Variants in CCSER1 observed in about 807,000 individuals in gnomAD.
CCSER1 encodes serine-rich coiled-coil domain-containing protein 1.
Under a neutral mutation model 82.0 loss-of-function variants are expected in CCSER1, and 41 were observed. The observed-to-expected ratio is 0.50, with a 90% CI of 0.39 to 0.65. The LOEUF (loss-of-function observed/expected upper bound fraction) is 0.65. CCSER1 is among the 30% of genes least tolerant of loss of function. CCSER1 has a pLI of 0.00. For missense variants in CCSER1, 1,119 were observed against 1,064.2 expected (o/e 1.05, Z -0.72); for synonymous variants, 414 against 383.9 (o/e 1.08, Z -0.92).
intron 8 of CCSER1, among the ~76,000 whole-genome samples, chr4:90,869,750 G>A (rs939523018): frequency 1.6e-4 from 24 of 151,424 alleles, no homozygotes; most frequent in African/African-American, 2.4e-4. Context: ...GAAGGTCATC[G>A]GTATTTTGCT....
At chr4:91,440,165 T>C (rs74833479) in intron 10 of CCSER1, among the ~76,000 whole-genome samples, 1 of 152,108 alleles carries the variant, frequency 6.6e-6, no homozygotes. Flanking sequence ...AATATACATT[T>C]TTTTCAGCAG....
At chr4:91,458,736 A>C (rs544281878) in intron 10 of CCSER1, among the ~76,000 whole-genome samples, 1 of 152,152 alleles carries the variant, frequency 6.6e-6, no homozygotes, top group East Asian at 1.9e-4. Context: ...TATTTGCTTA[A>C]ATTTATTTCT....
chr4:91,354,722 A>C (rs1748707081), intron 10 of CCSER1, among the ~76,000 whole-genome samples: 1 of 152,148 alleles, frequency 6.6e-6, no homozygotes, highest in African/African-American at 2.4e-5. Context: ...CAGGAACTGG[A>C]TCTGTAGGAA....
intron 1 of CCSER1, among the ~76,000 whole-genome samples, chr4:90,252,211 G>A (rs919934256): frequency 2.6e-5 from 4 of 151,754 alleles, no homozygotes; most frequent in Non-Finnish European, 4.4e-5. Context: ...AAAGTGCTCC[G>A]ATGAGCATTT....
chr4:91,279,619 T>C (rs1742757705), intron 10 of CCSER1, among the ~76,000 whole-genome samples: 1 of 152,108 alleles, frequency 6.6e-6, no homozygotes, highest in Non-Finnish European at 1.5e-5. Flanking sequence ...TCTATCTCTT[T>C]GGTAAATTGC....
At chr4:90,167,714 A>T (rs1474747640) in intron 1 of CCSER1, among the ~76,000 whole-genome samples, 2 of 151,522 alleles carry the variant, frequency 1.3e-5, no homozygotes, top group Non-Finnish European at 2.9e-5. Context: ...TATGAGTGAG[A>T]ACATGCAGTG....
At chr4:90,846,996 A>G (rs1489735999) in intron 8 of CCSER1, among the ~76,000 whole-genome samples, 2 of 152,148 alleles carry the variant, frequency 1.3e-5, no homozygotes, top group African/African-American at 4.8e-5. Flanking sequence ...ATTTGATTTA[A>G]TTCTTTACAA....
chr4:90,881,296 A>G (rs1721272943), intron 8 of CCSER1, among the ~76,000 whole-genome samples: 1 of 152,098 alleles, frequency 6.6e-6, no homozygotes, highest in Non-Finnish European at 1.5e-5. Flanking sequence ...AGAGAGGCAG[A>G]GACTGAGACA....
intron 1 of CCSER1, among the ~76,000 whole-genome samples, chr4:90,149,655 A>G (rs1292681698): frequency 2.0e-5 from 3 of 152,154 alleles, no homozygotes; most frequent in African/African-American, 7.2e-5. Context: ...ATTTTGGAAA[A>G]ACTGTATATA....
chr4:91,079,309 A>G (rs1444775641), intron 9 of CCSER1, among the ~76,000 whole-genome samples: 2 of 152,210 alleles, frequency 1.3e-5, no homozygotes, highest in African/African-American at 4.8e-5. Flanking sequence ...CAAGAATTTC[A>G]TATTCAGCCA....
chr4:90,719,370 A>G (rs1458324213), intron 6 of CCSER1, among the ~76,000 whole-genome samples: 2 of 152,152 alleles, frequency 1.3e-5, no homozygotes, highest in African/African-American at 2.4e-5. Context: ...ATTCCACATT[A>G]TGGTGAGTTG....
intron 1 of CCSER1, among the ~76,000 whole-genome samples, chr4:90,302,309 T>C (rs1220121740): frequency 6.6e-6 from 1 of 152,082 alleles, no homozygotes; most frequent in Non-Finnish European, 1.5e-5. Flanking sequence ...TACTTGAGGA[T>C]ATGTAAAGGA....
chr4:91,147,651 G>A (rs1306971064), intron 10 of CCSER1, among the ~76,000 whole-genome samples: 5 of 152,202 alleles, frequency 3.3e-5, no homozygotes, highest in Non-Finnish European at 7.3e-5. Context: ...CCTTAGGGTG[G>A]AGCACCAGCT....
At chr4:91,247,882 CAGAAAACAAAACAAT>C in intron 10 of CCSER1, among the ~76,000 whole-genome samples, 1 of 151,910 alleles carries the variant, frequency 6.6e-6, no homozygotes, top group East Asian at 1.9e-4. Flanking sequence ...AAAACAACAA[CAGAAAACAAAACAAT>C]AACAACAAAA....
chr4:90,682,861 T>A (rs575168294), intron 6 of CCSER1: 2 of 152,218 alleles, frequency 1.3e-5, no homozygotes, highest in East Asian at 3.9e-4. Context: ...AATTCTTAAA[T>A]TTTAAAAGAA....
chr4:91,052,887 A>G (rs1743128307), intron 9 of CCSER1, among the ~76,000 whole-genome samples: 1 of 152,066 alleles, frequency 6.6e-6, no homozygotes, highest in Admixed American at 6.6e-5. Context: ...GATTTAAGAA[A>G]CCTATGAAGC....
At chr4:91,148,561 T>C (rs113506116) in intron 10 of CCSER1, among the ~76,000 whole-genome samples, 1 of 152,144 alleles carries the variant, frequency 6.6e-6, no homozygotes, top group Non-Finnish European at 1.5e-5. Flanking sequence ...TGTATACATA[T>C]GCCATGTTGG....
chr4:91,023,953 A>G (rs1322197483), intron 9 of CCSER1, among the ~76,000 whole-genome samples: 1 of 152,194 alleles, frequency 6.6e-6, no homozygotes. Flanking sequence ...GACAAAATTC[A>G]TTTATTATAT....
At chr4:91,007,038 G>GT (rs1357482802) in intron 9 of CCSER1, among the ~76,000 whole-genome samples, 8 of 152,226 alleles carry the variant, frequency 5.3e-5, no homozygotes, top group Non-Finnish European at 1.2e-4. Flanking sequence ...ATAATTGTAT[G>GT]TTTTTTGTCC....
Sources: gnomAD v4.1 joint callset for allele counts (sites outside exome capture counted in the v4.1 genomes callset) on GRCh38, gnomAD v4.1.1 for gene constraint, MANE v1.5 for transcripts, NCBI Gene and HGNC (gene_info 2026-07-23, HGNC 2026-07-21) for gene names.